The following TMEM250 variants were observed in gnomAD, a reference collection of about 807,000 sequenced individuals.
TMEM250 encodes transmembrane protein 250.
TMEM250 carries 7 observed loss-of-function variants against 7.0 expected under a neutral mutation model. The ratio of observed to expected loss-of-function variants is 1.00; its 90% CI spans 0.57 to 1.87. TMEM250 has a LOEUF of 1.87. Ranked by LOEUF, TMEM250 falls within the 40% of genes most tolerant of loss-of-function variation. The pLI, the probability that TMEM250 is intolerant of heterozygous loss-of-function variation, is 0.00. For synonymous variants in TMEM250, 135 were observed against 96.7 expected (o/e 1.40, Z -2.32); for missense variants, 196 against 202.5 (o/e 0.97, Z 0.19).
chr9:136,116,901 TG>T lies in TMEM250; in HGVS notation c.-2del, dbSNP rs1205823308. ...GCCGCGGAATGGGCATGACCGGCATTGGGCCCCGGCGGCGGCGGCGCTAGGT... is the reference window on the plus strand; with the variant it reads ...GCCGCGGAATGGGCATGACCGGCATTGGCCCCGGCGGCGGCGGCGCTAGGT... On this transcript the variant is annotated 5_prime_UTR_variant, in exon 2 of 2. Coordinates refer to ENST00000418388, the MANE Select transcript of TMEM250 (RefSeq NM_152833.3). The T allele has an allele frequency of 2.6e-6, 4 of 1,528,080 alleles. No individual in the cohort carries two copies. The highest frequency in any genetic ancestry group is 3.5e-6 in the Non-Finnish European group (4 of 1,142,324). 94.7% of individuals were successfully genotyped at this position (1,528,080 alleles called of 1,614,324 possible). A position where few individuals can be genotyped will look rare whatever the true frequency, so the allele number is the denominator to read the frequency against.
chr9:136,118,196 G>C (rs1001660865), intron 1 of TMEM250: 8 of 152,106 alleles, frequency 5.3e-5, no homozygotes, highest in Non-Finnish European at 1.2e-4. Context: ...CCACTCAAAC[G>C]CGACTCGGCG....
At position 136,116,335 on chromosome 9, in the gene TMEM250, G is replaced by A; in HGVS notation, c.*146C>T. On this transcript the variant is annotated 3_prime_UTR_variant, in exon 2 of 2. Transcript: ENST00000418388. ...TGGTGTCCGCGCCCCCATCACAGAA[G>A]TCTCAGCCCTTTCTTTTCTCTCCGT... The A allele has an allele frequency of 1.4e-6, 2 of 1,421,752 alleles. No homozygotes were observed. The highest frequency in any genetic ancestry group is 1.5e-5 in the South Asian group (1 of 67,042). 88.1% of individuals were successfully genotyped at this position (1,421,752 alleles called of 1,614,324 possible).
intron 1 of TMEM250, 73 bp from the exon 2 acceptor site, chr9:136,117,097 C>A: frequency 1.1e-6 from 1 of 893,928 alleles, no homozygotes; most frequent in African/African-American, 1.8e-5. Flanking sequence ...AATCAGCTGG[C>A]GAAAGTGGAC....
In TMEM250 at chr9:136,116,087, G is replaced by A. The variant is rs1382468612; in HGVS notation, c.*394C>T. 2.6e-5 allele frequency: 11 copies of A among 416,376 alleles called. No individual in the cohort carries two copies. The highest frequency in any genetic ancestry group is 4.2e-5 in the Non-Finnish European group (10 of 237,010). 25.8% of individuals were successfully genotyped at this position (416,376 alleles called of 1,614,324 possible). On this transcript the variant is annotated 3_prime_UTR_variant, in exon 2 of 2. Transcript: ENST00000418388. ...TGTGCAGCCAGGAGGGCCCCCCTCC[G>A]GAATTGCTCCTGGGCACACAGCCCT...
chr9:136,116,546 T>C lies in TMEM250; in HGVS notation c.355A>G (p.Ile119Val). ...CCGACCAGCAGCATGGTGACGTGGA[T>C]GCCATAGACGAGCAGCTCGTTCACC... is the stretch of plus-strand genomic sequence containing the variant. The part of the protein sequence containing the change: ...RLVNELLVYG[I>V]HVTMLLVGGL... The change falls in exon 2 of 2, where the codon ATC becomes GTC. Residue 119 changes from isoleucine (I) to valine (V), a missense_variant. Coordinates refer to ENST00000418388, the MANE Select transcript of TMEM250 (RefSeq NM_152833.3). 6.3e-7 allele frequency: 1 copy of C among 1,595,374 alleles called. No homozygotes were observed. Among genetic ancestry groups the C allele is most frequent in the Admixed American group, 1.7e-5 (1 of 59,476 alleles).
chr9:136,117,593 G>T (rs1236875325), intron 1 of TMEM250, among the ~76,000 whole-genome samples: 1 of 152,254 alleles, frequency 6.6e-6, no homozygotes, highest in East Asian at 1.9e-4. Context: ...CGGCTCGGGG[G>T]CCGTGGGGTC....
rs117025673 is a variant in TMEM250, at chr9:136,115,461, G to C, written c.*1020C>G. ...GATAAGATCTCAGCATATACCTGGGGCTCTAAGATGCTGCTGGTGCCACAC... is the reference window on the plus strand; with the variant it reads ...GATAAGATCTCAGCATATACCTGGGCCTCTAAGATGCTGCTGGTGCCACAC... On this transcript the variant is annotated 3_prime_UTR_variant, in exon 2 of 2. Coordinates refer to ENST00000418388, the MANE Select transcript of TMEM250 (RefSeq NM_152833.3). The C allele has an allele frequency of 6.6e-6, 1 of 152,294 alleles. No homozygotes were observed. The highest frequency in any genetic ancestry group is 2.4e-5 in the African/African-American group (1 of 41,456). 9.4% of individuals were successfully genotyped at this position (152,294 alleles called of 1,614,324 possible).
At chr9:136,117,767 G>C (rs1396355798) in intron 1 of TMEM250, 1 of 152,616 alleles carries the variant, frequency 6.6e-6, no homozygotes, top group Non-Finnish European at 1.5e-5. Flanking sequence ...TGCACAGTGG[G>C]GTCGGCCCGG....
At chr9:136,118,284 G>A (rs1172642741) in intron 1 of TMEM250, 3 of 152,320 alleles carry the variant, frequency 2.0e-5, no homozygotes, top group African/African-American at 7.2e-5. Context: ...CGCTCGGCCC[G>A]GCCCATGGAC....
rs965710341 is a variant in TMEM250 at position 136,114,745 on chromosome 9, C to CCTCCCGT, written c.*1729_*1735dup. The CCTCCCGT allele has an allele frequency of 6.6e-6, 1 of 152,284 alleles. No individual in the cohort carries two copies. The highest frequency in any genetic ancestry group is 1.5e-5 in the Non-Finnish European group (1 of 68,050). The allele number at this position is 152,284 out of a possible 1,614,324, so 9.4% of individuals were successfully genotyped here. On this transcript the variant is annotated 3_prime_UTR_variant, in exon 2 of 2. Coordinates refer to ENST00000418388, the MANE Select transcript of TMEM250 (RefSeq NM_152833.3). ...GAGCGGCACCACCAGCCCCCTCCCG[C>CCTCCCGT]CTCCCGTCCCACCTTCACCCTCAGC...
chr9:136,116,685 C>A lies in TMEM250; in HGVS notation c.216G>T (p.Ala72=). 1 of 1,612,266 alleles carries A rather than the reference C, an allele frequency of 6.2e-7. No homozygotes were observed. The highest frequency in any genetic ancestry group is 8.5e-7 in the Non-Finnish European group (1 of 1,179,740). The change falls in exon 2 of 2, where the codon GCG becomes GCT. Residue 72 remains alanine (A), a synonymous_variant. Transcript: ENST00000418388. Reference sequence around the variant, plus strand: ...ACTGTAGGCAGAAGAGGGCGGCCAGCGCACCCCAGAGCGCCGCAGTGAACA... The same window carrying A: ...ACTGTAGGCAGAAGAGGGCGGCCAGAGCACCCCAGAGCGCCGCAGTGAACA... ...CSLFTAALWG[A]LAALFCLQYL...
rs990081778 is a variant in TMEM250, at chr9:136,116,397, G to A, written c.*84C>T. The A allele has an allele frequency of 4.7e-4, 679 of 1,439,144 alleles. 1 individual carries two copies. The highest frequency in any genetic ancestry group is 2.0e-3 in the Middle Eastern group (8 of 3,924). 89.1% of individuals were successfully genotyped at this position (1,439,144 alleles called of 1,614,324 possible). ...AGCAGCGACTGCCTGGGGGATGGGCGAAGGGAAGGCGCTGGCCGACCCCAC... is the reference window on the plus strand; with the variant it reads ...AGCAGCGACTGCCTGGGGGATGGGCAAAGGGAAGGCGCTGGCCGACCCCAC... On this transcript the variant is annotated 3_prime_UTR_variant, in exon 2 of 2. Coordinates refer to ENST00000418388, the MANE Select transcript of TMEM250 (RefSeq NM_152833.3).
chr9:136,116,249 G>C lies in TMEM250; in HGVS notation c.*232C>G. The C allele has an allele frequency of 1.2e-6, 1 of 815,450 alleles. No homozygotes were observed. Among genetic ancestry groups the C allele is most frequent in the South Asian group, 2.1e-5 (1 of 47,580 alleles). 50.5% of individuals were successfully genotyped at this position (815,450 alleles called of 1,614,324 possible). On this transcript the variant is annotated 3_prime_UTR_variant, in exon 2 of 2. Coordinates refer to ENST00000418388, the MANE Select transcript of TMEM250 (RefSeq NM_152833.3). ...GACATGTGAGCAGGAGCCACCGGCA[G>C]GTGGGCGCTGCCCCTGAGAGTGCAT...
Position 136,116,685 on chromosome 9 carries a change from C to T in TMEM250, c.216G>A (p.Ala72=), listed in dbSNP as rs753213654. The stretch of plus-strand genomic sequence containing the variant: ...ACTGTAGGCAGAAGAGGGCGGCCAG[C>T]GCACCCCAGAGCGCCGCAGTGAACA... The part of the protein sequence containing the change: ...CSLFTAALWG[A]LAALFCLQYL... The change falls in exon 2 of 2, where the codon GCG becomes GCA. Residue 72 remains alanine (A), a synonymous_variant. Coordinates refer to ENST00000418388, the MANE Select transcript of TMEM250 (RefSeq NM_152833.3). 2.5e-6 allele frequency: 4 copies of T among 1,612,266 alleles called. No homozygotes were observed. Among genetic ancestry groups the T allele is most frequent in the South Asian group, 1.1e-5 (1 of 91,082 alleles).
rs978295339 is a variant in TMEM250, at chr9:136,115,214, CATT to C, written c.*1264_*1266del. The C allele has an allele frequency of 3.7e-4, 56 of 152,364 alleles. No homozygotes were observed. The highest frequency in any genetic ancestry group is 1.3e-3 in the African/African-American group (55 of 41,438). 9.4% of individuals were successfully genotyped at this position (152,364 alleles called of 1,614,324 possible). Reference sequence around the variant, plus strand: ...AGCCTCTGCCTGTTGTCCTTGCAATCATTATTCAGGGCGCCCTCCCACTTGCCC... The same window carrying C: ...AGCCTCTGCCTGTTGTCCTTGCAATCATTCAGGGCGCCCTCCCACTTGCCC... On this transcript the variant is annotated 3_prime_UTR_variant, in exon 2 of 2. Coordinates refer to ENST00000418388, the MANE Select transcript of TMEM250 (RefSeq NM_152833.3).
In TMEM250 at chr9:136,116,559, C is replaced by T; in HGVS notation, c.342G>A (p.Leu114=). Residue 114 remains leucine, a synonymous_variant, in exon 2 of 2, where the codon CTG becomes CTA. Transcript: ENST00000418388. Reference sequence around the variant, plus strand: ...TGGTGACGTGGATGCCATAGACGAGCAGCTCGTTCACCAGGCGGAAGTCCA... The same window carrying T: ...TGGTGACGTGGATGCCATAGACGAGTAGCTCGTTCACCAGGCGGAAGTCCA... ...RRVDFRLVNE[L]LVYGIHVTML... 1.3e-6 allele frequency: 2 copies of T among 1,597,778 alleles called. No homozygotes were observed. Among genetic ancestry groups the T allele is most frequent in the Non-Finnish European group, 1.7e-6 (2 of 1,179,068 alleles).
chr9:136,114,632 C>A lies in TMEM250; in HGVS notation c.*1849G>T, dbSNP rs918371462. ...TTAATGCAGGTGGGTCATGGCATGA[C>A]GAATTTCACAGGCACCGGGGACAGC... On this transcript the variant is annotated 3_prime_UTR_variant, in exon 2 of 2. Coordinates refer to ENST00000418388, the MANE Select transcript of TMEM250 (RefSeq NM_152833.3). 2.0e-5 allele frequency: 3 copies of A among 152,272 alleles called. No individual in the cohort carries two copies. Among genetic ancestry groups the A allele is most frequent in the Non-Finnish European group, 2.9e-5 (2 of 68,052 alleles). The allele number at this position is 152,272 out of a possible 1,614,324, so 9.4% of individuals were successfully genotyped here.
At position 136,118,615 on chromosome 9, in the gene TMEM250, C is replaced by T. The variant is rs1473637232; in HGVS notation, c.-255G>A. On this transcript the variant is annotated 5_prime_UTR_variant, in exon 1 of 2. Transcript: ENST00000418388. ...AGGGCGGCCGCATGGTGCTGGGGCG[C>T]GCGGCTGGGGGCGCTGGCAAGGCGG... is the stretch of plus-strand genomic sequence containing the variant. 6.6e-6 allele frequency: 1 copy of T among 151,764 alleles called. No homozygotes were observed. The highest frequency in any genetic ancestry group is 1.5e-5 in the Non-Finnish European group (1 of 68,200). The allele number at this position is 151,764 out of a possible 1,614,324, so 9.4% of individuals were successfully genotyped here.
rs1830686804 is a variant in TMEM250, at chr9:136,115,659, A to AT, written c.*821dup. The AT allele has an allele frequency of 6.4e-6, 1 of 155,944 alleles. No homozygotes were observed. The highest frequency in any genetic ancestry group is 2.4e-5 in the African/African-American group (1 of 41,638). The allele number at this position is 155,944 out of a possible 1,614,324, so 9.7% of individuals were successfully genotyped here. A position where few individuals can be genotyped will look rare whatever the true frequency, so the allele number is the denominator to read the frequency against. On this transcript the variant is annotated 3_prime_UTR_variant, in exon 2 of 2. Transcript: ENST00000418388. ...CCCCCGCAAAAAAAGCCAGAAAGGA[A>AT]TGGAGGTGCCTCCGCAGAAATCCAG...
Sources: gnomAD v4.1 joint callset for allele counts (sites outside exome capture counted in the v4.1 genomes callset) on GRCh38, gnomAD v4.1.1 for gene constraint, MANE v1.5 for transcripts, NCBI Gene and HGNC (gene_info 2026-07-23, HGNC 2026-07-21) for gene names.